PCDHGA1: variants seen among roughly 807,000 people sequenced by gnomAD.
The protein encoded by PCDHGA1 is protocadherin gamma-A1.
In PCDHGA1, 32 loss-of-function variants were observed where a neutral mutation model predicts 58.0. That is an observed-to-expected ratio of 0.55 (90% CI 0.42 to 0.74). The LOEUF (loss-of-function observed/expected upper bound fraction) is 0.74. Among genes scored for constraint, PCDHGA1 ranks in the 30% least tolerant of loss-of-function variants. The pLI is 0.00. For synonymous variants in PCDHGA1, 498 were observed against 501.1 expected (o/e 0.99, Z 0.08); for missense variants, 1,205 against 1,182.3 (o/e 1.02, Z -0.28).
chr5:141,392,804 CA>C (rs1345839746), intron 1 of PCDHGA1: 1 of 1,573,894 alleles, frequency 6.4e-7, no homozygotes, highest in African/African-American at 1.4e-5. Flanking sequence ...GATTCTGCAG[CA>C]AAACAACAAT....
intron 1 of PCDHGA1, chr5:141,383,999 C>A: frequency 1.2e-6 from 2 of 1,613,800 alleles, no homozygotes; most frequent in Non-Finnish European, 1.7e-6. Context: ...ACAGTCATTG[C>A]TCTTTTCTAC....
chr5:141,388,708 C>A lies in PCDHGA1; in HGVS notation c.2421+55603C>A, dbSNP rs764003797. On this transcript the variant is annotated intron_variant, in intron 1 of 3. Transcript: ENST00000517417. ...ACGGACCAGGATGAGGGTGTCAATG[C>A]CGAGATTACTTTCTCTTTCAGTGAA... 1.9e-6 allele frequency: 3 copies of A among 1,613,842 alleles called. No individual in the cohort carries two copies. The highest frequency in any genetic ancestry group is 2.5e-6 in the Non-Finnish European group (3 of 1,179,882).
chr5:141,360,738 CAG>C lies in PCDHGA1; in HGVS notation c.2421+27637_2421+27638del, dbSNP rs754230241. 7.4e-6 allele frequency: 12 copies of C among 1,613,846 alleles called. No individual in the cohort carries two copies. In the Admixed American group the frequency reaches 1.8e-4, roughly 25 times the overall value. On this transcript the variant is annotated intron_variant, in intron 1 of 3. Transcript: ENST00000517417. ...AGTTGATTCTAAAACACTCTCTGGA[CAG>C]AGAAGAGCACAGTTTACATCAATTG...
Position 141,356,227 on chromosome 5 carries a change from A to T in PCDHGA1, c.2421+23122A>T, listed in dbSNP as rs1760158327. 5 of 1,593,622 alleles carry T rather than the reference A, an allele frequency of 3.1e-6. No homozygotes were observed. In the East Asian group the frequency reaches 1.1e-4, roughly 36 times the overall value. On this transcript the variant is annotated intron_variant, in intron 1 of 3. Coordinates refer to ENST00000517417, the MANE Select transcript of PCDHGA1 (RefSeq NM_018912.3). ...GGTGACAGTTCTGGATGAAAATGAC[A>T]ACGCACCAGAAGTCACAGTTACATC... is the stretch of plus-strand genomic sequence containing the variant.
chr5:141,465,142 T>TCCCTAA (rs2099097979), intron 1 of PCDHGA1, among the ~76,000 whole-genome samples: 3 of 151,990 alleles, frequency 2.0e-5, no homozygotes, highest in Non-Finnish European at 4.4e-5. Flanking sequence ...GTTTAGGGGA[T>TCCCTAA]ATATGAAGGG....
At chr5:141,488,021 C>A (rs570700985) in intron 1 of PCDHGA1, among the ~76,000 whole-genome samples, 1 of 152,244 alleles carries the variant, frequency 6.6e-6, no homozygotes, top group East Asian at 1.9e-4. Flanking sequence ...TACCTTAACT[C>A]TAGGTTACCA....
intron 1 of PCDHGA1, chr5:141,404,534 T>A: frequency 6.2e-7 from 1 of 1,613,954 alleles, no homozygotes; most frequent in Non-Finnish European, 8.5e-7. Context: ...GTTTAGAGAT[T>A]TGCAAATGCA....
In PCDHGA1 at chr5:141,347,137, C is replaced by CTTTCTTTCTT. The variant is rs1554073405; in HGVS notation, c.2421+14033_2421+14034insTTCTTTCTTT. ...CTCCTTCCTTCCTTCCTCTGTTTCT[C>CTTTCTTTCTT]TCTTTCTTTCTTTCTTTCTTTCTTT... On this transcript the variant is annotated intron_variant, in intron 1 of 3. Coordinates refer to ENST00000517417, the MANE Select transcript of PCDHGA1 (RefSeq NM_018912.3). Among the ~76,000 whole-genome samples, 16 of 113,834 alleles carry CTTTCTTTCTT rather than the reference C, an allele frequency of 1.4e-4. No individual in the cohort carries two copies. The South Asian group carries it at 5.0e-3, about 36-fold the overall frequency. The allele number at this position is 113,834 out of a possible 152,430, so 74.7% of individuals were successfully genotyped here.
chr5:141,400,743 C>G (rs1404866842), intron 1 of PCDHGA1: 1 of 611,332 alleles, frequency 1.6e-6, no homozygotes, highest in Non-Finnish European at 2.8e-6. Flanking sequence ...AGAGTTTGCT[C>G]TTAGCTTCCT....
intron 1 of PCDHGA1, chr5:141,421,412 A>T (rs375885183): frequency 4.3e-6 from 7 of 1,613,962 alleles, no homozygotes; most frequent in Non-Finnish European, 5.9e-6. Context: ...GAGCTGGCGA[A>T]GCGCGGAGTC....
chr5:141,357,846 C>CGA, intron 1 of PCDHGA1: 2 of 620,680 alleles, frequency 3.2e-6, no homozygotes, highest in Non-Finnish European at 5.4e-6. Flanking sequence ...GTTGTAGTTT[C>CGA]AGCCAGAATT....
chr5:141,398,011 T>A lies in PCDHGA1; in HGVS notation c.2421+64906T>A, dbSNP rs531266866. On this transcript the variant is annotated intron_variant, in intron 1 of 3. Coordinates refer to ENST00000517417, the MANE Select transcript of PCDHGA1 (RefSeq NM_018912.3). ...CGCTTCCTCCTCGGAAAAAGAATCG[T>A]TTCCTAAACTGGAACTGGAACTAAA... The A allele has an allele frequency of 2.7e-5, 38 of 1,413,006 alleles. No homozygotes were observed. In the African/African-American group the frequency reaches 4.3e-4, roughly 16 times the overall value. 87.5% of individuals were successfully genotyped at this position (1,413,006 alleles called of 1,614,324 possible). A position where few individuals can be genotyped will look rare whatever the true frequency, so the allele number is the denominator to read the frequency against.
At chr5:141,333,288 T>C in intron 1 of PCDHGA1, 183 bp downstream of exon 1, 1 of 918,900 alleles carries the variant, frequency 1.1e-6, no homozygotes, top group Non-Finnish European at 1.6e-6. Context: ...TTTATAATTG[T>C]TCTTGCACTG....
intron 1 of PCDHGA1, among the ~76,000 whole-genome samples, chr5:141,436,594 G>T (rs79477223): frequency 0.052 from 7,980 of 152,210 alleles, 223 homozygotes; most frequent in South Asian, 0.079. Flanking sequence ...AAAGGTCGTG[G>T]TGATGGCTAG....
chr5:141,362,163 C>A, intron 1 of PCDHGA1: 1 of 1,614,056 alleles, frequency 6.2e-7, no homozygotes, highest in East Asian at 2.2e-5. Flanking sequence ...CAGACCTCAG[C>A]GACCGCCGGG....
chr5:141,396,860 T>C (rs1273570477), intron 1 of PCDHGA1, among the ~76,000 whole-genome samples: 1 of 152,230 alleles, frequency 6.6e-6, no homozygotes, highest in African/African-American at 2.4e-5. Flanking sequence ...ATAGTTTGTG[T>C]ACCATTTGGA....
chr5:141,364,800 C>G (rs2149865831), intron 1 of PCDHGA1: 12 of 1,613,952 alleles, frequency 7.4e-6, no homozygotes, highest in Non-Finnish European at 1.0e-5. Context: ...CTTCCCTTCG[C>G]GCGGGATGCG....
rs2233610 is a variant in PCDHGA1, at chr5:141,505,535, G to A, written c.2569+54G>A. ...AGTGGGAGACCTGGGGTTCTGGGGT[G>A]CATCTCACAGCCACCATGCCCACGG... is the stretch of plus-strand genomic sequence containing the variant. On this transcript the variant is annotated intron_variant, in intron 3 of 3. Transcript: ENST00000517417. 12 of 1,610,344 alleles carry A rather than the reference G, an allele frequency of 7.5e-6. No individual in the cohort carries two copies. The East Asian group carries it at 1.8e-4, about 24-fold the overall frequency.
intron 1 of PCDHGA1, among the ~76,000 whole-genome samples, chr5:141,437,390 A>T (rs1422429346): frequency 6.6e-6 from 1 of 152,248 alleles, no homozygotes; most frequent in Non-Finnish European, 1.5e-5. Flanking sequence ...ACATTCATCC[A>T]CTGCTTTCAT....
Sources: allele counts gnomAD v4.1 joint callset (sites outside exome capture counted in the v4.1 genomes callset), GRCh38; gene constraint gnomAD v4.1.1; transcripts MANE v1.5; gene names NCBI Gene and HGNC (gene_info 2026-07-23, HGNC 2026-07-21).